The following AUTS2 variants were observed in gnomAD, a reference collection of about 807,000 sequenced individuals.
AUTS2 encodes activator of transcription and developmental regulator AUTS2.
In AUTS2, 17 loss-of-function variants were observed where a neutral mutation model predicts 112.4. The ratio of observed to expected loss-of-function variants is 0.15; its 90% CI spans 0.10 to 0.23. The LOEUF (loss-of-function observed/expected upper bound fraction) is 0.23. Ranked by LOEUF, AUTS2 falls within the 10% of genes least tolerant of loss-of-function variation. The pLI is 1.00. For synonymous variants in AUTS2, 751 were observed against 702.7 expected (o/e 1.07, Z -1.09); for missense variants, 1,510 against 1,701.6 (o/e 0.89, Z 1.98).
At chr7:70,479,404 A>G (rs1585194190) in intron 5 of AUTS2, among the ~76,000 whole-genome samples, 1 of 152,134 alleles carries the variant, frequency 6.6e-6, no homozygotes, top group East Asian at 1.9e-4. Flanking sequence ...GCCTTTCTTG[A>G]GGACAGTGAG....
At chr7:69,710,622 G>T (rs1562827606) in intron 1 of AUTS2, among the ~76,000 whole-genome samples, 1 of 152,194 alleles carries the variant, frequency 6.6e-6, no homozygotes, top group East Asian at 1.9e-4. Flanking sequence ...TTGGTATACA[G>T]GAGTCAAAAC....
At chr7:70,674,507 G>C (rs1005663376) in intron 5 of AUTS2, among the ~76,000 whole-genome samples, 1 of 152,174 alleles carries the variant, frequency 6.6e-6, no homozygotes, top group African/African-American at 2.4e-5. Context: ...GAGTGAGGGT[G>C]GGGTAGGCGA....
intron 5 of AUTS2, among the ~76,000 whole-genome samples, chr7:70,510,710 G>A (rs548958527): frequency 6.6e-6 from 1 of 152,186 alleles, no homozygotes; most frequent in South Asian, 2.1e-4. Context: ...TGAAAAAAAT[G>A]TAAAACTCAC....
chr7:69,994,001 A>G (rs1439905773), intron 2 of AUTS2, among the ~76,000 whole-genome samples: 1 of 152,164 alleles, frequency 6.6e-6, no homozygotes, highest in African/African-American at 2.4e-5. Context: ...TTGGGCCCCA[A>G]GAAAGTCTCG....
At chr7:70,606,830 C>G (rs532451408) in intron 5 of AUTS2, among the ~76,000 whole-genome samples, 1 of 150,656 alleles carries the variant, frequency 6.6e-6, no homozygotes, top group Non-Finnish European at 1.5e-5. Context: ...CCACTGTACT[C>G]CAGCCTGGGC....
chr7:69,689,342 AATTTTT>A (rs1797203935), intron 1 of AUTS2, among the ~76,000 whole-genome samples: 1 of 138,996 alleles, frequency 7.2e-6, no homozygotes, highest in Non-Finnish European at 1.6e-5. Flanking sequence ...TTAATTAATT[AATTTTT>A]TTTTTTTTTT....
At chr7:70,371,456 G>GTA (rs1792833755) in intron 4 of AUTS2, among the ~76,000 whole-genome samples, 1 of 152,216 alleles carries the variant, frequency 6.6e-6, no homozygotes. Flanking sequence ...TCAAACAGAT[G>GTA]TAAGACATAA....
intron 1 of AUTS2, among the ~76,000 whole-genome samples, chr7:69,781,241 C>G (rs1352706830): frequency 6.6e-6 from 1 of 152,202 alleles, no homozygotes; most frequent in Non-Finnish European, 1.5e-5. Flanking sequence ...ATGATATTTT[C>G]TCAGAATTAC....
chr7:70,169,426 A>T (rs1171413227), intron 4 of AUTS2, among the ~76,000 whole-genome samples: 1 of 152,056 alleles, frequency 6.6e-6, no homozygotes, highest in African/African-American at 2.4e-5. Context: ...TATTTTTAGT[A>T]GAGACGGGGT....
chr7:69,751,437 G>T (rs1023930076), intron 1 of AUTS2, among the ~76,000 whole-genome samples: 1 of 152,168 alleles, frequency 6.6e-6, no homozygotes. Context: ...AAGCAAGAGT[G>T]AGGTGACAGG....
chr7:70,208,982 G>A (rs892398211), intron 4 of AUTS2, among the ~76,000 whole-genome samples: 2 of 152,112 alleles, frequency 1.3e-5, no homozygotes, highest in African/African-American at 4.8e-5. Flanking sequence ...AAATCTAGTT[G>A]CAGTGGATTA....
At chr7:70,157,873 A>G (rs1807866207) in intron 4 of AUTS2, among the ~76,000 whole-genome samples, 1 of 152,204 alleles carries the variant, frequency 6.6e-6, no homozygotes, top group African/African-American at 2.4e-5. Flanking sequence ...TAATAAGTTC[A>G]TGGCCTTACA....
At chr7:69,907,612 T>C (rs1227065159) in intron 2 of AUTS2, among the ~76,000 whole-genome samples, 1 of 152,236 alleles carries the variant, frequency 6.6e-6, no homozygotes, top group East Asian at 1.9e-4. Context: ...ACAAAGAGCC[T>C]GTGCATGTTC....
chr7:69,667,620 T>G (rs1211960475), intron 1 of AUTS2, among the ~76,000 whole-genome samples: 1 of 152,178 alleles, frequency 6.6e-6, no homozygotes, highest in East Asian at 1.9e-4. Flanking sequence ...CCTCCCAAAG[T>G]GCTAGGATTA....
At chr7:69,601,116 C>A (rs908339887) in intron 1 of AUTS2, among the ~76,000 whole-genome samples, 1 of 151,948 alleles carries the variant, frequency 6.6e-6, no homozygotes, top group Non-Finnish European at 1.5e-5. Context: ...TTTCCTCCCC[C>A]ACCTCCCTGT....
chr7:70,760,251 C>G (rs1160940920), intron 6 of AUTS2, among the ~76,000 whole-genome samples: 1 of 152,184 alleles, frequency 6.6e-6, no homozygotes, highest in East Asian at 1.9e-4. Flanking sequence ...GTGATCCGCC[C>G]GCCTTGGCCT....
intron 4 of AUTS2, among the ~76,000 whole-genome samples, chr7:70,179,441 T>C (rs1809182057): frequency 6.6e-6 from 1 of 152,172 alleles, no homozygotes; most frequent in Non-Finnish European, 1.5e-5. Flanking sequence ...CATCATAGTT[T>C]TCCCGGGAAC....
chr7:70,693,544 G>A (rs973627445), intron 5 of AUTS2, among the ~76,000 whole-genome samples: 2 of 152,174 alleles, frequency 1.3e-5, no homozygotes, highest in African/African-American at 4.8e-5. Context: ...TGGGGAAGGA[G>A]GTTAGGTGAA....
chr7:69,999,739 AC>A (rs895130701), intron 2 of AUTS2, among the ~76,000 whole-genome samples: 6 of 152,046 alleles, frequency 3.9e-5, no homozygotes, highest in South Asian at 2.1e-4. Flanking sequence ...TTACATAGTT[AC>A]CCCCCTGCCA....
Sources: gnomAD v4.1 joint callset for allele counts (sites outside exome capture counted in the v4.1 genomes callset) on GRCh38, gnomAD v4.1.1 for gene constraint, MANE v1.5 for transcripts, NCBI Gene and HGNC (gene_info 2026-07-23, HGNC 2026-07-21) for gene names.